The following TBC1D22A variants were observed in gnomAD, a reference collection of about 807,000 sequenced individuals.
TBC1D22A encodes the protein putative GTPase activator.
Under a neutral mutation model 60.2 loss-of-function variants are expected in TBC1D22A, and 38 were observed. The observed-to-expected ratio is 0.63, with a 90% CI of 0.49 to 0.83. The LOEUF (loss-of-function observed/expected upper bound fraction) is 0.83. TBC1D22A is among the 40% of genes least tolerant of loss of function. The pLI is 0.00. For synonymous variants in TBC1D22A, 302 were observed against 281.7 expected (o/e 1.07, Z -0.72); for missense variants, 628 against 701.0 (o/e 0.90, Z 1.18).
At chr22:47,060,378 A>T (rs1603208694) in intron 11 of TBC1D22A, among the ~76,000 whole-genome samples, 1 of 150,272 alleles carries the variant, frequency 6.7e-6, no homozygotes, top group East Asian at 2.0e-4. Context: ...AGTAGTTGGG[A>T]TTACAGGCGC....
At chr22:47,079,291 T>TGGCCA (rs1254315176) in intron 11 of TBC1D22A, among the ~76,000 whole-genome samples, 3 of 152,116 alleles carry the variant, frequency 2.0e-5, no homozygotes, top group Non-Finnish European at 4.4e-5. Flanking sequence ...TTCACCATAT[T>TGGCCA]GGCCAGGCTG....
intron 11 of TBC1D22A, among the ~76,000 whole-genome samples, chr22:47,079,084 C>CTTTTTTT (rs35269996): frequency 8.0e-6 from 1 of 124,962 alleles, no homozygotes; most frequent in South Asian, 2.7e-4. Context: ...GTAGAGCAGA[C>CTTTTTTT]TTTTTTTTTT....
At chr22:46,783,839 AT>A (rs869058582) in intron 1 of TBC1D22A, among the ~76,000 whole-genome samples, 4 of 151,912 alleles carry the variant, frequency 2.6e-5, no homozygotes, top group Admixed American at 6.6e-5. Flanking sequence ...TCTCAAAAAA[AT>A]TTTTTTTATC....
At chr22:47,152,436 G>A (rs1047811684) in intron 12 of TBC1D22A, among the ~76,000 whole-genome samples, 3 of 152,274 alleles carry the variant, frequency 2.0e-5, no homozygotes, top group East Asian at 1.9e-4. Flanking sequence ...GCTGGCGGGC[G>A]TCGGTGGCTG....
At chr22:47,151,438 T>C (rs1343006944) in intron 12 of TBC1D22A, among the ~76,000 whole-genome samples, 2 of 152,258 alleles carry the variant, frequency 1.3e-5, no homozygotes, top group Non-Finnish European at 2.9e-5. Flanking sequence ...ATTTTCACAA[T>C]GTATATTACA....
intron 5 of TBC1D22A, among the ~76,000 whole-genome samples, chr22:46,890,546 A>G (rs1224416979): frequency 6.6e-6 from 1 of 152,130 alleles, no homozygotes; most frequent in Non-Finnish European, 1.5e-5. Flanking sequence ...AGTAGCTAAG[A>G]ATTTTGGTAT....
intron 4 of TBC1D22A, among the ~76,000 whole-genome samples, chr22:46,860,981 T>G (rs2087847253): frequency 8.6e-6 from 1 of 115,832 alleles, no homozygotes; most frequent in African/African-American, 4.0e-5. Context: ...GATAATAAAT[T>G]AATTTTTTTT....
At chr22:47,103,169 G>T (rs1021920143) in intron 11 of TBC1D22A, among the ~76,000 whole-genome samples, 4 of 152,074 alleles carry the variant, frequency 2.6e-5, no homozygotes, top group South Asian at 4.2e-4. Context: ...TGGATTTGGG[G>T]GTGTGTGTGT....
chr22:46,995,795 A>T (rs1391446728), intron 9 of TBC1D22A, among the ~76,000 whole-genome samples: 2 of 152,010 alleles, frequency 1.3e-5, no homozygotes. Flanking sequence ...CCCTCACAGC[A>T]CAGGGAGGCC....
At chr22:46,999,291 G>A (rs1376089612) in intron 10 of TBC1D22A, among the ~76,000 whole-genome samples, 2 of 152,160 alleles carry the variant, frequency 1.3e-5, no homozygotes, top group African/African-American at 2.4e-5. Flanking sequence ...GTACTTTTTA[G>A]TAAATCATAT....
intron 1 of TBC1D22A, among the ~76,000 whole-genome samples, chr22:46,788,549 A>G (rs2084265582): frequency 6.6e-6 from 1 of 152,246 alleles, no homozygotes; most frequent in Admixed American, 6.5e-5. Flanking sequence ...TTCCTTTGGT[A>G]AAAGTATCCA....
chr22:46,839,676 C>T (rs1342019195), intron 4 of TBC1D22A, among the ~76,000 whole-genome samples: 1 of 152,124 alleles, frequency 6.6e-6, no homozygotes, highest in East Asian at 1.9e-4. Flanking sequence ...GGAGCCACCC[C>T]ACTTATTGAT....
intron 11 of TBC1D22A, among the ~76,000 whole-genome samples, chr22:47,094,903 G>T (rs554082359): frequency 6.6e-6 from 1 of 152,158 alleles, no homozygotes; most frequent in East Asian, 1.9e-4. Flanking sequence ...TAACCAGTTG[G>T]AATGTTCTCA....
rs533259438 is a variant in TBC1D22A, at chr22:47,169,017, T to G, written c.1426-4481T>G. The stretch of plus-strand genomic sequence containing the variant: ...CCTCCGGCATTGGGAGCCTCACCTG[T>G]TGGAACCCGCCCGGGGCAGGAGTGA... On this transcript the variant is annotated intron_variant, in intron 12 of 12. Transcript: ENST00000337137. Among the ~76,000 whole-genome samples, 57 of 152,162 alleles carry G rather than the reference T, an allele frequency of 3.7e-4. No individual in the cohort carries two copies. The South Asian group carries it at 0.011, about 30-fold the overall frequency.
In TBC1D22A at chr22:46,990,648, G is replaced by A. The variant is rs934245454; in HGVS notation, c.1126-6986G>A. 6.6e-6 allele frequency among the ~76,000 whole-genome samples: 1 copy of A among 151,990 alleles called. No individual in the cohort carries two copies. The highest frequency in any genetic ancestry group is 1.5e-5 in the Non-Finnish European group (1 of 67,996). Reference sequence around the variant, plus strand: ...CCCTGAACACCCTCGTGCCCCGCCTGTTCATCCCCTTCCACCCAACCCCTG... The same window carrying A: ...CCCTGAACACCCTCGTGCCCCGCCTATTCATCCCCTTCCACCCAACCCCTG... On this transcript the variant is annotated intron_variant, in intron 9 of 12. Coordinates refer to ENST00000337137, the MANE Select transcript of TBC1D22A (RefSeq NM_014346.5). The surrounding 1 kb of genome is among the most constrained non-coding windows in gnomAD (Gnocchi z 4.6).
chr22:47,157,859 T>C (rs2067788161), intron 12 of TBC1D22A, among the ~76,000 whole-genome samples: 1 of 151,970 alleles, frequency 6.6e-6, no homozygotes, highest in Non-Finnish European at 1.5e-5. Flanking sequence ...CCCCAAGCCC[T>C]CATTCTTTCT....
intron 8 of TBC1D22A, among the ~76,000 whole-genome samples, chr22:46,968,232 C>T (rs1181626260): frequency 1.3e-5 from 2 of 152,200 alleles, no homozygotes; most frequent in African/African-American, 4.8e-5. Flanking sequence ...GGCCTCCATG[C>T]TGTGCGGGGT....
At chr22:46,769,528 C>T (rs895451645) in intron 1 of TBC1D22A, among the ~76,000 whole-genome samples, 13 of 152,216 alleles carry the variant, frequency 8.5e-5, no homozygotes, top group Non-Finnish European at 1.5e-4. Context: ...TGCTCATGTC[C>T]TCCTTACACA....
chr22:47,041,780 T>C (rs1002200912), intron 11 of TBC1D22A, among the ~76,000 whole-genome samples: 6 of 152,174 alleles, frequency 3.9e-5, no homozygotes, highest in African/African-American at 1.4e-4. Flanking sequence ...AGATAGTAAA[T>C]ATTTTCAGGC....
Sources: gnomAD v4.1 joint callset for allele counts (sites outside exome capture counted in the v4.1 genomes callset) on GRCh38, gnomAD v4.1.1 for gene constraint, Gnocchi (gnomAD v3.1) non-coding constraint, MANE v1.5 for transcripts, NCBI Gene and HGNC (gene_info 2026-07-23, HGNC 2026-07-21) for gene names.